GNAO1: variants seen among roughly 807,000 people sequenced by gnomAD.
GNAO1 encodes the protein G protein subunit alpha o1, also known as guanine nucleotide-binding protein G(o) subunit alpha.
For missense variants in GNAO1, 166 were observed against 478.7 expected, an observed-to-expected ratio of 0.35 and a Z score of 6.10; for synonymous variants, 164 against 180.7, an observed-to-expected ratio of 0.91 and a Z score of 0.74.
At chr16:56,252,371 G>A (rs1428288303) in intron 2 of GNAO1, among the ~76,000 whole-genome samples, 1 of 152,208 alleles carries the variant, frequency 6.6e-6, no homozygotes, top group Non-Finnish European at 1.5e-5. Flanking sequence ...AGTAAGTGCT[G>A]TGCTTCCTGG....
At chr16:56,253,649 G>C (rs1366298089) in intron 2 of GNAO1, among the ~76,000 whole-genome samples, 2 of 152,204 alleles carry the variant, frequency 1.3e-5, no homozygotes, top group African/African-American at 4.8e-5. Flanking sequence ...TCCATGCTGA[G>C]CCCTGTTACC....
intron 2 of GNAO1, among the ~76,000 whole-genome samples, chr16:56,239,127 T>G (rs1462257627): frequency 6.6e-6 from 1 of 152,244 alleles, no homozygotes; most frequent in African/African-American, 2.4e-5. Context: ...GACTCACATC[T>G]TGAGCACTGA....
chr16:56,196,347 T>C (rs1808625845), intron 2 of GNAO1, among the ~76,000 whole-genome samples: 1 of 152,234 alleles, frequency 6.6e-6, no homozygotes, highest in Non-Finnish European at 1.5e-5. Flanking sequence ...TCACCTGTGA[T>C]ACAGCCTCAT....
At chr16:56,282,396 G>T (rs922209651) in intron 3 of GNAO1, among the ~76,000 whole-genome samples, 7 of 152,150 alleles carry the variant, frequency 4.6e-5, no homozygotes, top group Non-Finnish European at 1.0e-4. Context: ...CATTATTTTT[G>T]ATAAAGTGTT....
intron 6 of GNAO1, chr16:56,348,303 C>A: frequency 2.2e-6 from 1 of 457,832 alleles, no homozygotes; most frequent in Non-Finnish European, 2.9e-6. Flanking sequence ...GGACTGCTGG[C>A]AGCCTGGCAG....
chr16:56,273,237 CTT>C (rs1344860277), intron 2 of GNAO1, among the ~76,000 whole-genome samples: 6 of 152,118 alleles, frequency 3.9e-5, no homozygotes, highest in Non-Finnish European at 5.9e-5. Flanking sequence ...TCTTCCCTCT[CTT>C]TGTTTCAATT....
At chr16:56,287,200 G>A (rs1413523333) in intron 3 of GNAO1, among the ~76,000 whole-genome samples, 5 of 152,218 alleles carry the variant, frequency 3.3e-5, no homozygotes, top group African/African-American at 1.2e-4. Flanking sequence ...AGGTGAAGAG[G>A]GGAGATAGGC....
At chr16:56,268,590 A>G (rs1022180398) in intron 2 of GNAO1, among the ~76,000 whole-genome samples, 6 of 152,262 alleles carry the variant, frequency 3.9e-5, no homozygotes, top group African/African-American at 1.2e-4. Context: ...GATAACAAGT[A>G]TACATTTTTA....
chr16:56,244,186 A>G (rs962942577), intron 2 of GNAO1, among the ~76,000 whole-genome samples: 17 of 152,274 alleles, frequency 1.1e-4, no homozygotes, highest in African/African-American at 3.9e-4. Context: ...TAAATGGGAA[A>G]GAGGTTGAGA....
rs369416479 is a variant in GNAO1, at chr16:56,351,347, G to T, written c.724-37G>T. ...TTCCCTGTCTCTGTGTCTCCCTCCC[G>T]CTGTCTGTCCTCTCTCCTCCCTTCC... On this transcript the variant is annotated intron_variant, in intron 6 of 8. Coordinates refer to ENST00000262493, the MANE Select transcript of GNAO1 (RefSeq NM_020988.3). The surrounding 1 kb of genome is among the most constrained non-coding windows in gnomAD (Gnocchi z 6.1). 9 of 1,535,614 alleles carry T rather than the reference G, an allele frequency of 5.9e-6. No individual in the cohort carries two copies. Among genetic ancestry groups the T allele is most frequent in the Non-Finnish European group, 8.1e-6 (9 of 1,112,414 alleles).
intron 3 of GNAO1, among the ~76,000 whole-genome samples, chr16:56,310,945 T>C (rs545277441): frequency 2.0e-5 from 3 of 152,258 alleles, no homozygotes; most frequent in African/African-American, 7.2e-5. Context: ...ACTCACATCT[T>C]AAGAGCCTTG....
intron 2 of GNAO1, among the ~76,000 whole-genome samples, chr16:56,242,075 G>A (rs1462007713): frequency 2.6e-5 from 4 of 152,238 alleles, no homozygotes; most frequent in African/African-American, 9.6e-5. Context: ...GGGCACAGCA[G>A]TGATAGCAGA....
chr16:56,250,773 C>T (rs545142716), intron 2 of GNAO1, among the ~76,000 whole-genome samples: 1 of 152,316 alleles, frequency 6.6e-6, no homozygotes, highest in East Asian at 1.9e-4. Flanking sequence ...CCCTCAGCCT[C>T]AGCTCCAAAT....
intron 2 of GNAO1, among the ~76,000 whole-genome samples, chr16:56,255,220 G>T (rs1481532707): frequency 6.6e-6 from 1 of 152,184 alleles, no homozygotes; most frequent in African/African-American, 2.4e-5. Flanking sequence ...GAAAAGGGAG[G>T]GGCAGGTGTG....
intron 2 of GNAO1, among the ~76,000 whole-genome samples, chr16:56,264,664 A>G (rs181537412): frequency 1.2e-3 from 176 of 151,564 alleles, no homozygotes; most frequent in African/African-American, 4.0e-3. Flanking sequence ...TTATTTTAGA[A>G]CTCTTTAGAA....
chr16:56,228,455 A>T (rs948275985), intron 2 of GNAO1, among the ~76,000 whole-genome samples: 3 of 151,098 alleles, frequency 2.0e-5, no homozygotes, highest in Non-Finnish European at 2.9e-5. Context: ...ATATACATAT[A>T]TATTTATTTA....
intron 2 of GNAO1, among the ~76,000 whole-genome samples, chr16:56,229,180 G>A (rs1258491861): frequency 2.6e-5 from 4 of 152,014 alleles, no homozygotes; most frequent in Admixed American, 6.6e-5. Context: ...TTGTATAGCC[G>A]ACACCATTGC....
intron 2 of GNAO1, among the ~76,000 whole-genome samples, chr16:56,254,331 C>G (rs1263570022): frequency 3.4e-5 from 5 of 147,446 alleles, no homozygotes; most frequent in Middle Eastern, 3.5e-3. Flanking sequence ...ATAATGGATG[C>G]TTCATATATT....
chr16:56,288,641 G>C (rs1419924238), intron 3 of GNAO1, among the ~76,000 whole-genome samples: 1 of 152,220 alleles, frequency 6.6e-6, no homozygotes, highest in Admixed American at 6.5e-5. Context: ...AGAGTGGCCA[G>C]CGTGGGGGCC....
Sources: allele counts gnomAD v4.1 joint callset (sites outside exome capture counted in the v4.1 genomes callset), GRCh38; gene constraint gnomAD v4.1.1; non-coding constraint Gnocchi (gnomAD v3.1); transcripts MANE v1.5; gene names NCBI Gene and HGNC (gene_info 2026-07-23, HGNC 2026-07-21).